LZTFL1: variants seen among roughly 807,000 people sequenced by gnomAD.
LZTFL1 encodes the protein leucine zipper transcription factor like 1, also known as leucine zipper transcription factor-like protein 1.
LZTFL1 carries 25 observed loss-of-function variants against 45.9 expected under a neutral mutation model. The observed-to-expected ratio is 0.54, with a 90% CI of 0.40 to 0.76. The LOEUF (loss-of-function observed/expected upper bound fraction) is 0.76. Among genes scored for constraint, LZTFL1 ranks in the 30% least tolerant of loss-of-function variants. The pLI is 0.00. For synonymous variants in LZTFL1, 93 were observed against 117.4 expected (o/e 0.79, Z 1.35); for missense variants, 277 against 331.1 (o/e 0.84, Z 1.27).
intron 2 of LZTFL1, among the ~76,000 whole-genome samples, chr3:45,892,837 G>A (rs1346960004): frequency 6.6e-6 from 1 of 152,186 alleles, no homozygotes; most frequent in African/African-American, 2.4e-5. Context: ...AAAGCTACCA[G>A]CAGAGAGGTT....
intron 2 of LZTFL1, among the ~76,000 whole-genome samples, chr3:45,889,597 A>T (rs1293097021): frequency 6.6e-6 from 1 of 152,148 alleles, no homozygotes; most frequent in African/African-American, 2.4e-5. Context: ...TGAAAACATG[A>T]AAGTTCATTT....
intron 2 of LZTFL1, among the ~76,000 whole-genome samples, chr3:45,879,459 A>C (rs532787922): frequency 3.3e-5 from 5 of 152,348 alleles, no homozygotes; most frequent in Non-Finnish European, 7.3e-5. Flanking sequence ...TCCGGAAAAG[A>C]AAAACTGGAG....
At position 45,900,885 on chromosome 3, in the gene LZTFL1, T is replaced by C. The variant is rs776317922; in HGVS notation, c.-215+12235A>G. 3.5e-5 allele frequency: 57 copies of C among 1,614,086 alleles called. No homozygotes were observed. The highest frequency in any genetic ancestry group is 3.3e-4 in the Middle Eastern group (2 of 6,084). ...CATGGAAGACTACGTTAACTTCAAC[T>C]TCACTGACTTCTACTGTGAGAAAAA... is the stretch of plus-strand genomic sequence containing the variant. On this transcript the variant is annotated intron_variant, in intron 2 of 4. Transcript: ENST00000472635. The surrounding 1 kb of genome is among the most constrained non-coding windows in gnomAD (Gnocchi z 4.7).
chr3:45,884,406 G>A (rs1701926541), intron 2 of LZTFL1, among the ~76,000 whole-genome samples: 1 of 152,198 alleles, frequency 6.6e-6, no homozygotes. Flanking sequence ...CTTCTCCCCA[G>A]CCTCATGATC....
intron 9 of LZTFL1, 161 bp downstream of exon 9, chr3:45,827,195 G>T: frequency 1.6e-6 from 1 of 629,508 alleles, no homozygotes; most frequent in Non-Finnish European, 2.8e-6. Flanking sequence ...TTATAGATAA[G>T]GTCAGGCCAG....
In LZTFL1 at chr3:45,900,114, A is replaced by C. The variant is rs561321467; in HGVS notation, c.-215+13006T>G. ...ATGGCTGTGCAACCCACACAGTCAC[A>C]TAGGGGCCCTGTGCTTAGAAGTGCT... On this transcript the variant is annotated intron_variant, in intron 2 of 4. Transcript: ENST00000472635. The surrounding 1 kb of genome is among the most constrained non-coding windows in gnomAD (Gnocchi z 4.7). Among the ~76,000 whole-genome samples the C allele has an allele frequency of 8.5e-5, 13 of 152,304 alleles. No homozygotes were observed. In the South Asian group the frequency reaches 2.5e-3, roughly 29 times the overall value.
At chr3:45,915,335 C>G (rs1702877918) in intron 1 of LZTFL1, 2 of 343,898 alleles carry the variant, frequency 5.8e-6, no homozygotes, top group Admixed American at 7.4e-5. Flanking sequence ...TCTTTTATCC[C>G]CGCACCGCCC....
rs1702503993 is a variant in LZTFL1 at position 45,900,191 on chromosome 3, C to A, written c.-215+12929G>T. On this transcript the variant is annotated intron_variant, in intron 2 of 4. Transcript: ENST00000472635. The surrounding 1 kb of genome is among the most constrained non-coding windows in gnomAD (Gnocchi z 4.7). ...TTGAAATTCCTAATAATTTTTGGACCACGGGTCCTGCTAACTATAGAGCAG... is the reference window on the plus strand; with the variant it reads ...TTGAAATTCCTAATAATTTTTGGACAACGGGTCCTGCTAACTATAGAGCAG... Among the ~76,000 whole-genome samples the A allele has an allele frequency of 6.6e-6, 1 of 151,962 alleles. No individual in the cohort carries two copies. Among genetic ancestry groups the A allele is most frequent in the South Asian group, 2.1e-4 (1 of 4,810 alleles).
chr3:45,844,200 C>G (rs1347414751), upstream of LZTFL1, among the ~76,000 whole-genome samples: 1 of 152,190 alleles, frequency 6.6e-6, no homozygotes. Flanking sequence ...GAATGGAAAG[C>G]TGATCATGGC....
chr3:45,828,691 A>G (rs1436954969), intron 7 of LZTFL1, 76 bp from the exon 8 acceptor site: 2 of 1,226,186 alleles, frequency 1.6e-6, no homozygotes, highest in Non-Finnish European at 2.3e-6. Context: ...GTGATTCAAC[A>G]TCATAGGAGA....
chr3:45,835,518 A>C, intron 3 of LZTFL1, 72 bp downstream of exon 3: 3 of 1,443,472 alleles, frequency 2.1e-6, no homozygotes, highest in Non-Finnish European at 2.9e-6. Context: ...ATATGCAGCC[A>C]AAGATGTTCA....
exon 3 of LZTFL1, chr3:45,858,973 A>G (rs888154327): frequency 2.0e-5 from 3 of 152,214 alleles, no homozygotes; most frequent in Non-Finnish European, 4.4e-5. Context: ...TCTGGCCTCT[A>G]GGAAGCTGTC....
chr3:45,826,296 C>T lies in LZTFL1; in HGVS notation c.*18G>A, dbSNP rs746584536. 1 of 1,610,976 alleles carries T rather than the reference C, an allele frequency of 6.2e-7. No individual in the cohort carries two copies. Among genetic ancestry groups the T allele is most frequent in the Admixed American group, 1.7e-5 (1 of 59,918 alleles). On this transcript the variant is annotated 3_prime_UTR_variant, in exon 10 of 10. Transcript: ENST00000296135. ...TTGTATGTTTGCATGTGGTAGCTTCCAGAGGAAATCTTCAGTTTTAATCTT... is the reference window on the plus strand; with the variant it reads ...TTGTATGTTTGCATGTGGTAGCTTCTAGAGGAAATCTTCAGTTTTAATCTT...
chr3:45,832,812 G>A (rs1359177408), intron 5 of LZTFL1: 1 of 380,668 alleles, frequency 2.6e-6, no homozygotes, highest in African/African-American at 2.1e-5. Flanking sequence ...AATAAACGCT[G>A]TCCAAAATTT....
At chr3:45,915,618 T>A (rs1413913255) in exon 1 of LZTFL1, 17 of 409,358 alleles carry the variant, frequency 4.2e-5, no homozygotes, top group Non-Finnish European at 7.9e-5. Flanking sequence ...CACTCATGCA[T>A]CTCAGGTTTT....
upstream of LZTFL1, among the ~76,000 whole-genome samples, chr3:45,844,809 C>G (rs1211569508): frequency 1.3e-5 from 2 of 152,172 alleles, no homozygotes; most frequent in African/African-American, 4.8e-5. Context: ...TAGTGACCAG[C>G]AGGGTATTGG....
In LZTFL1 at chr3:45,823,981, C is replaced by A. The variant is rs539738108; in HGVS notation, c.*2333G>T. ...TTTTCTTATGCTGAGTTTTATAAGA[C>A]ATAAGCAAATTATCATTTAAACATT... On this transcript the variant is annotated 3_prime_UTR_variant, in exon 10 of 10. Coordinates refer to ENST00000296135, the MANE Select transcript of LZTFL1 (RefSeq NM_020347.4). 4 of 152,192 alleles carry A rather than the reference C, an allele frequency of 2.6e-5. No homozygotes were observed. In the South Asian group the frequency reaches 8.3e-4, roughly 32 times the overall value. The allele number at this position is 152,192 out of a possible 1,614,324, so 9.4% of individuals were successfully genotyped here.
intron 2 of LZTFL1, among the ~76,000 whole-genome samples, chr3:45,881,884 T>G (rs181032812): frequency 5.4e-4 from 83 of 152,364 alleles, no homozygotes; most frequent in Non-Finnish European, 9.4e-4. Flanking sequence ...TATTAGCTGC[T>G]GAATAGCAGG....
At chr3:45,880,266 G>C (rs1237582085) in intron 2 of LZTFL1, among the ~76,000 whole-genome samples, 1 of 152,206 alleles carries the variant, frequency 6.6e-6, no homozygotes, top group Admixed American at 6.5e-5. Flanking sequence ...CACTTTGGGA[G>C]GCCGAGGTAG....
Sources: gnomAD v4.1 joint callset for allele counts (sites outside exome capture counted in the v4.1 genomes callset) on GRCh38, gnomAD v4.1.1 for gene constraint, Gnocchi (gnomAD v3.1) non-coding constraint, MANE v1.5 for transcripts, NCBI Gene and HGNC (gene_info 2026-07-23, HGNC 2026-07-21) for gene names.